The following CCDC149 variants were observed in gnomAD, a reference collection of about 807,000 sequenced individuals.
CCDC149 encodes coiled-coil domain containing 149, also known as coiled-coil domain-containing protein 149.
CCDC149 carries 45 observed loss-of-function variants against 59.9 expected under a neutral mutation model. The ratio of observed to expected loss-of-function variants is 0.75; its 90% confidence interval spans 0.59 to 0.96. The LOEUF (loss-of-function observed/expected upper bound fraction) is 0.96. CCDC149 is among the 40% of genes least tolerant of loss of function. The pLI is 0.00. For synonymous variants in CCDC149, 245 were observed against 260.6 expected, an observed-to-expected ratio of 0.94 and a Z score of 0.58; for missense variants, 584 against 664.7, an observed-to-expected ratio of 0.88 and a Z score of 1.33.
Position 24,831,612 on chromosome 4 carries a change from G to C in CCDC149, c.859C>G (p.Pro287Ala), listed in dbSNP as rs778433877. 1.6e-5 allele frequency: 26 copies of C among 1,613,896 alleles called. No individual in the cohort carries two copies. Among genetic ancestry groups the C allele is most frequent in the African/African-American group, 1.3e-5 (1 of 74,886 alleles). Residue 287 changes from proline (P) to alanine (A), a missense_variant, in exon 9 of 13, where the codon CCA (proline) becomes GCA (alanine). Transcript: ENST00000635206. ...TCAGAAATGGACTGCGGAGTAGCTGGGAGGCTGCATCCATGATCCTCAGAT... is the reference window on the plus strand; with the variant it reads ...TCAGAAATGGACTGCGGAGTAGCTGCGAGGCTGCATCCATGATCCTCAGAT...
chr4:24,883,081 C>T (rs974725895), intron 1 of CCDC149, among the ~76,000 whole-genome samples: 20 of 152,182 alleles, frequency 1.3e-4, no homozygotes, highest in Admixed American at 4.6e-4. Flanking sequence ...ATAAACCTCA[C>T]GGATAACCCA....
At chr4:24,972,322 C>G (rs55815738) in intron 1 of CCDC149, among the ~76,000 whole-genome samples, 1 of 150,958 alleles carries the variant, frequency 6.6e-6, no homozygotes, top group Non-Finnish European at 1.5e-5. Context: ...CTTTTCTTTT[C>G]TTTTTTGAGA....
chr4:24,816,027 G>T (rs893410515), intron 12 of CCDC149, among the ~76,000 whole-genome samples: 2 of 152,058 alleles, frequency 1.3e-5, no homozygotes, highest in African/African-American at 4.8e-5. Flanking sequence ...AGGACTGTAA[G>T]TCAACAGCAG....
intron 1 of CCDC149, among the ~76,000 whole-genome samples, chr4:24,953,825 A>G (rs754396254): frequency 2.6e-4 from 39 of 152,206 alleles, no homozygotes; most frequent in Non-Finnish European, 3.7e-4. Flanking sequence ...CAAAAGGGAA[A>G]TATCAAGAAG....
In CCDC149 at chr4:24,895,910, C is replaced by T. The variant is rs891833534; in HGVS notation, c.63+16907G>A. On this transcript the variant is annotated intron_variant, in intron 1 of 12. Coordinates refer to ENST00000635206, the MANE Select transcript of CCDC149 (RefSeq NM_001330643.2). The stretch of plus-strand genomic sequence containing the variant: ...TGAAGTCTGGGCAGGAATCTAGAAC[C>T]AGACCCCAAAAGTCTCCTTTTCAGC... Among the ~76,000 whole-genome samples, 4 of 152,316 alleles carry T rather than the reference C, an allele frequency of 2.6e-5. No homozygotes were observed. In the East Asian group the frequency reaches 7.7e-4, roughly 29 times the overall value.
intron 4 of CCDC149, among the ~76,000 whole-genome samples, chr4:24,847,179 T>C (rs1218503717): frequency 3.9e-5 from 6 of 152,154 alleles, no homozygotes; most frequent in Non-Finnish European, 4.4e-5. Context: ...TCACTGGAAA[T>C]AGCTGATCAA....
rs114708757 is a variant in CCDC149, at chr4:24,954,282, T to C, written c.-65+25787A>G. Among the ~76,000 whole-genome samples the C allele has an allele frequency of 5.8e-3, 888 of 152,318 alleles. 9 individuals carry two copies. Among genetic ancestry groups the C allele is most frequent in the African/African-American group, 0.02 (846 of 41,564 alleles). On this transcript the variant is annotated intron_variant, in intron 1 of 12. Transcript: ENST00000389609. ...GCCCAGGCTTCATGCATTGAAGTCATATGCTTGCAGATTTTCCAGGCAGGT... is the reference window on the plus strand; with the variant it reads ...GCCCAGGCTTCATGCATTGAAGTCACATGCTTGCAGATTTTCCAGGCAGGT...
chr4:24,813,562 G>A (rs1268385858), intron 12 of CCDC149, among the ~76,000 whole-genome samples: 1 of 143,752 alleles, frequency 7.0e-6, no homozygotes, highest in East Asian at 2.0e-4. Flanking sequence ...TAACAAGTTT[G>A]AATTAAAATG....
At chr4:24,936,128 G>T (rs1252588489) in intron 1 of CCDC149, among the ~76,000 whole-genome samples, 1 of 152,134 alleles carries the variant, frequency 6.6e-6, no homozygotes, top group Non-Finnish European at 1.5e-5. Context: ...GTTCAGTGGA[G>T]TAGTAGGGAA....
At chr4:24,834,823 G>A (rs1716390144) in intron 8 of CCDC149, 125 bp downstream of exon 8, 1 of 577,140 alleles carries the variant, frequency 1.7e-6, no homozygotes, top group Admixed American at 2.9e-5. Flanking sequence ...GGAAGTCGGG[G>A]AGCCACTGTT....
intron 1 of CCDC149, among the ~76,000 whole-genome samples, chr4:24,978,753 C>T (rs1356843331): frequency 6.6e-6 from 1 of 152,234 alleles, no homozygotes; most frequent in Non-Finnish European, 1.5e-5. Context: ...GTGCTTTTCA[C>T]AGCTGAAATG....
At chr4:24,973,254 G>A (rs1224281630) in intron 1 of CCDC149, among the ~76,000 whole-genome samples, 1 of 152,026 alleles carries the variant, frequency 6.6e-6, no homozygotes, top group Non-Finnish European at 1.5e-5. Context: ...CAACCACCTT[G>A]GGCACATATT....
intron 1 of CCDC149, among the ~76,000 whole-genome samples, chr4:24,901,758 T>A (rs905997112): frequency 6.6e-6 from 1 of 151,904 alleles, no homozygotes; most frequent in African/African-American, 2.4e-5. Flanking sequence ...CAAACTCATA[T>A]CTCCTAACCT....
chr4:24,876,430 G>T, intron 2 of CCDC149, 106 bp downstream of exon 2: 1 of 1,286,892 alleles, frequency 7.8e-7, no homozygotes, highest in Non-Finnish European at 1.1e-6. Flanking sequence ...TTTCCACTTT[G>T]AACTGTTTGC....
rs1433805490 is a variant in CCDC149 at position 24,912,986 on chromosome 4, G to A, written c.-107C>T. 1.2e-5 allele frequency: 4 copies of A among 338,412 alleles called. No homozygotes were observed. Among genetic ancestry groups the A allele is most frequent in the East Asian group, 2.8e-4 (2 of 7,186 alleles). The allele number at this position is 338,412 out of a possible 1,614,324, so 21.0% of individuals were successfully genotyped here. A position where few individuals can be genotyped will look rare whatever the true frequency, so the allele number is the denominator to read the frequency against. On this transcript the variant is annotated 5_prime_UTR_variant, in exon 1 of 13. Coordinates refer to ENST00000635206, the MANE Select transcript of CCDC149 (RefSeq NM_001330643.2). ...CCCCGAGAGGGCCCGGCGCCTCCGA[G>A]CCGCTGCGCCGCCGCCTCTCGCGGC...
At chr4:24,910,976 C>T (rs910554571) in intron 1 of CCDC149, among the ~76,000 whole-genome samples, 3 of 152,114 alleles carry the variant, frequency 2.0e-5, no homozygotes, top group Admixed American at 2.0e-4. Flanking sequence ...CCCCATGGCC[C>T]CTGGCTACGT....
At chr4:24,953,638 T>A (rs528402550) in intron 1 of CCDC149, among the ~76,000 whole-genome samples, 31 of 152,182 alleles carry the variant, frequency 2.0e-4, no homozygotes, top group Non-Finnish European at 4.4e-4. Context: ...TCAACAAAAA[T>A]ACTTCAAAGC....
intron 6 of CCDC149, among the ~76,000 whole-genome samples, chr4:24,836,999 G>A (rs920672773): frequency 3.3e-5 from 5 of 152,222 alleles, no homozygotes; most frequent in African/African-American, 1.2e-4. Flanking sequence ...CAAGGAAGGT[G>A]TAGGGAAAGA....
chr4:24,913,717 G>A (rs1029420917), upstream of CCDC149, among the ~76,000 whole-genome samples: 3 of 152,202 alleles, frequency 2.0e-5, no homozygotes, highest in Non-Finnish European at 4.4e-5. Context: ...GCTGAGGCAG[G>A]AGGATCCCTT....
Sources: allele counts gnomAD v4.1 joint callset (sites outside exome capture counted in the v4.1 genomes callset), GRCh38; gene constraint gnomAD v4.1.1; transcripts MANE v1.5; gene names NCBI Gene and HGNC (gene_info 2026-07-23, HGNC 2026-07-21).